POLE: variants seen among roughly 807,000 people sequenced by gnomAD.
POLE encodes DNA polymerase epsilon catalytic subunit A.
In POLE, 188 loss-of-function variants were observed where a neutral mutation model predicts 279.2. That is an observed-to-expected ratio of 0.67 (90% CI 0.60 to 0.76). The LOEUF is 0.76. Ranked by LOEUF, POLE falls within the 30% of genes least tolerant of loss-of-function variation. The pLI is 0.00. For missense variants in POLE, 2,703 were observed against 3,016.7 expected, an observed-to-expected ratio of 0.90 and a Z score of 2.44; for synonymous variants, 1,214 against 1,172.5, an observed-to-expected ratio of 1.04 and a Z score of -0.72.
rs5744823 is a variant in POLE at position 132,665,292 on chromosome 12, G to A, written c.2468+10C>T. The A allele has an allele frequency of 5.6e-4, 898 of 1,610,342 alleles. 6 individuals carry two copies. In the African/African-American group the frequency reaches 0.011, roughly 20 times the overall value. On this transcript the variant is annotated intron_variant, in intron 21 of 48. Transcript: ENST00000320574. ...TCCCATAAGCCTCTCCCGGGCCCGG[G>A]CCCACCTACCCCTTGCGCATGACAT... is the stretch of plus-strand genomic sequence containing the variant.
In POLE at chr12:132,664,276, C is replaced by A. The variant is rs983801882; in HGVS notation, c.2561+94G>T. 2 of 1,353,150 alleles carry A rather than the reference C, an allele frequency of 1.5e-6. No individual in the cohort carries two copies. Among genetic ancestry groups the A allele is most frequent in the African/African-American group, 2.9e-5 (2 of 69,670 alleles). The allele number at this position is 1,353,150 out of a possible 1,614,324, so 83.8% of individuals were successfully genotyped here. The stretch of plus-strand genomic sequence containing the variant: ...CCAGCCTTCCCTCCTTCCTTCCTGC[C>A]CAGTGTGTGGCCTCCAGCCTTCCCT... On this transcript the variant is annotated intron_variant, in intron 22 of 48. Coordinates refer to ENST00000320574, the MANE Select transcript of POLE (RefSeq NM_006231.4). This position sits in a 1 kb window ranked among gnomAD's most constrained non-coding sequence, Gnocchi z 5.3.
chr12:132,673,478 G>A (rs1208409872), intron 13 of POLE, 97 bp downstream of exon 13: 2 of 1,536,456 alleles, frequency 1.3e-6, no homozygotes, highest in African/African-American at 1.4e-5. Context: ...ACGGCAGCAG[G>A]GGGAGCCGGG....
chr12:132,686,863 G>T (rs1157711592), intron 1 of POLE, among the ~76,000 whole-genome samples: 1 of 151,590 alleles, frequency 6.6e-6, no homozygotes, highest in Non-Finnish European at 1.5e-5. Context: ...AGGGTCCCCG[G>T]CCCCGCCCCT....
chr12:132,661,106 G>A lies in POLE; in HGVS notation c.2923C>T (p.Arg975Cys), dbSNP rs753759783. 3 of 1,613,466 alleles carry A rather than the reference G, an allele frequency of 1.9e-6. No homozygotes were observed. The highest frequency in any genetic ancestry group is 2.5e-6 in the Non-Finnish European group (3 of 1,179,938). The part of the protein sequence containing the change: ...LAELKGFEVK[R>C]RGELQLIKIF... ...TTAATCAGCTGCAGTTCCCCGCGGC[G>A]TTTGACCTCAAAGCCCTTGAGCTCA... The change falls in exon 25 of 49, where the codon CGC becomes TGC. Residue 975 changes from arginine to cysteine, a missense_variant. Arg to Cys is a radical substitution (Grantham distance 180). Transcript: ENST00000320574. This position sits in a 1 kb window ranked among gnomAD's most constrained non-coding sequence, Gnocchi z 4.1.
Position 132,673,613 on chromosome 12 carries a change from G to C in POLE, c.1321C>G (p.Pro441Ala), listed in dbSNP as rs1005538045. The C allele has an allele frequency of 2.5e-6, 4 of 1,613,712 alleles. No homozygotes were observed. Among genetic ancestry groups the C allele is most frequent in the Non-Finnish European group, 3.4e-6 (4 of 1,180,004 alleles). The change falls in exon 13 of 49, where the codon CCG (proline) becomes GCG (alanine). Residue 441 changes from proline (P) to alanine (A), a missense_variant. By Grantham distance (27) the Pro-to-Ala change is conservative (BLOSUM62 -1). Transcript: ENST00000320574. ...GTGGCCATCCGGCACATGTCCTCCG[G>C]GTCTAGCTCCACGGGATCATAGCCT... is the stretch of plus-strand genomic sequence containing the variant. ...KLGYDPVELDPEDMCRMATEQ... is the reference protein window; with the variant it reads ...KLGYDPVELDAEDMCRMATEQ...
In POLE at chr12:132,677,401, C is replaced by T. The variant is rs776357611; in HGVS notation, c.763G>A (p.Val255Ile). Residue 255 changes from valine to isoleucine, a missense_variant, in exon 8 of 49, where the codon GTA becomes ATA. By Grantham distance (29) the Val-to-Ile change is conservative (BLOSUM62 3). Coordinates refer to ENST00000320574, the MANE Select transcript of POLE (RefSeq NM_006231.4). ...AGGTCATCTCGGCGGGTGATTTCTA[C>T]CGGAAAAGCATTTCCTCGGTATCTG... is the stretch of plus-strand genomic sequence containing the variant. ...NVRYRGNAFPVEITRRDDLVE... is the reference protein window; with the variant it reads ...NVRYRGNAFPIEITRRDDLVE... 4 of 1,613,958 alleles carry T rather than the reference C, an allele frequency of 2.5e-6. No homozygotes were observed. Among genetic ancestry groups the T allele is most frequent in the African/African-American group, 2.7e-5 (2 of 74,892 alleles).
In POLE at chr12:132,641,867, C is replaced by A. The variant is rs1286953255; in HGVS notation, c.5174-16G>T. ...TCCACACACACTGCACAGGAAGACG[C>A]CATGCTCAGCCAGCATCCTGCCAGC... On this transcript the variant is annotated splice_polypyrimidine_tract_variant and intron_variant, in intron 38 of 48. Transcript: ENST00000320574. The A allele has an allele frequency of 6.3e-7, 1 of 1,597,186 alleles. No homozygotes were observed.
chr12:132,683,971 T>C (rs1182786831), intron 1 of POLE, among the ~76,000 whole-genome samples: 20 of 146,008 alleles, frequency 1.4e-4, no homozygotes, highest in African/African-American at 3.8e-4. Context: ...AGAGCTACCA[T>C]TGACTGGTTA....
chr12:132,686,020 C>T (rs978495948), intron 1 of POLE, among the ~76,000 whole-genome samples: 1 of 152,032 alleles, frequency 6.6e-6, no homozygotes, highest in Non-Finnish European at 1.5e-5. Context: ...GGATTACAGG[C>T]ATGCGCCACC....
rs182777625 is a variant in POLE at position 132,656,344 on chromosome 12, A to C, written c.3582+792T>G. Reference sequence around the variant, plus strand: ...ATAAGACAGTTAAATTTTAAAATCCAATCCATCTCAGAACCTTTTTCTTTT... The same window carrying C: ...ATAAGACAGTTAAATTTTAAAATCCCATCCATCTCAGAACCTTTTTCTTTT... On this transcript the variant is annotated intron_variant, in intron 29 of 48. Coordinates refer to ENST00000320574, the MANE Select transcript of POLE (RefSeq NM_006231.4). 2.0e-5 allele frequency among the ~76,000 whole-genome samples: 3 copies of C among 152,010 alleles called. No individual in the cohort carries two copies. The East Asian group carries it at 5.8e-4, about 29-fold the overall frequency.
intron 35 of POLE, 84 bp downstream of exon 35, chr12:132,643,140 G>C (rs2138545193): frequency 1.3e-6 from 2 of 1,498,238 alleles, no homozygotes; most frequent in Middle Eastern, 3.5e-4. Flanking sequence ...ACAAGACCTG[G>C]AGGGCCTGGG....
chr12:132,670,314 T>C (rs1184348021), intron 16 of POLE, among the ~76,000 whole-genome samples: 5 of 151,162 alleles, frequency 3.3e-5, no homozygotes, highest in Non-Finnish European at 7.4e-5. Context: ...AGGCAGAGGT[T>C]GTGGTGAGCC....
Position 132,634,190 on chromosome 12 carries a change from A to T in POLE, c.6000T>A (p.Val2000=), listed in dbSNP as rs746483776. 6.2e-7 allele frequency: 1 copy of T among 1,611,196 alleles called. No homozygotes were observed. Among genetic ancestry groups the T allele is most frequent in the Admixed American group, 1.7e-5 (1 of 59,842 alleles). Residue 2000 remains valine, a synonymous_variant, in exon 43 of 49, where the codon GTT becomes GTA. Coordinates refer to ENST00000320574, the MANE Select transcript of POLE (RefSeq NM_006231.4). This position sits in a 1 kb window ranked among gnomAD's most constrained non-coding sequence, Gnocchi z 4.0. ...ASCQNYFLMI[V]SAYIVAVYHC... is the part of the protein sequence containing the mutation. ...AGCCCTGGGCTCTGGGCTTACCTGA[A>T]ACAATCATGAGGAAGTAGTTCTGGC...
intron 13 of POLE, 78 bp downstream of exon 13, chr12:132,673,497 C>A: frequency 1.9e-6 from 3 of 1,561,316 alleles, no homozygotes; most frequent in Non-Finnish European, 2.6e-6. Context: ...GGATGTGGCT[C>A]ACATGCCTGG....
In POLE at chr12:132,668,396, G is replaced by C. The variant is rs1368511972; in HGVS notation, c.2133C>G (p.Ser711=). 1.2e-6 allele frequency: 2 copies of C among 1,610,080 alleles called. No homozygotes were observed. Among genetic ancestry groups the C allele is most frequent in the Non-Finnish European group, 1.7e-6 (2 of 1,177,870 alleles). ...EGPARAFHEL[S]REEQAKYEKR... ...TCTCGTATTTCGCCTGTTCCTCGCG[G>C]GACAGTTCATGAAAGGCCCGAGCTG... The change falls in exon 19 of 49, where the codon TCC becomes TCG. Residue 711 remains serine, a synonymous_variant. Coordinates refer to ENST00000320574, the MANE Select transcript of POLE (RefSeq NM_006231.4). This position sits in a 1 kb window ranked among gnomAD's most constrained non-coding sequence, Gnocchi z 4.0.
rs2042641659 is a variant in POLE, at chr12:132,659,931, G to A, written c.3061-422C>T. ...GGTTTCCAACTCCTGACCTCAAGTG[G>A]TCTGCCCGCCGAGGCCTCCCAAGTG... On this transcript the variant is annotated intron_variant, in intron 25 of 48. Coordinates refer to ENST00000320574, the MANE Select transcript of POLE (RefSeq NM_006231.4). The A allele has an allele frequency of 1.6e-5, 3 of 192,806 alleles. No homozygotes were observed. In the South Asian group the frequency reaches 2.9e-4, roughly 19 times the overall value. The allele number at this position is 192,806 out of a possible 1,614,324, so 11.9% of individuals were successfully genotyped here.
Position 132,672,670 on chromosome 12 carries a change from T to C in POLE, c.1643A>G (p.Glu548Gly). ...GATATCGCTGCGGAAAACCCCAGAC[T>C]CGAGGGCCTCCACGTGGCCCCCGAC... ...TYVGGHVEAL[E>G]SGVFRSDIPC... The change falls in exon 15 of 49, where the codon GAG becomes GGG. Residue 548 changes from glutamate (E) to glycine (G), a missense_variant. Physicochemically the swap from Glu to Gly is moderately conservative, Grantham distance 98. Around this residue, in one of 5 missense-constraint regions of POLE, gnomAD observed 1,011 missense variants for 1,111.7 expected, o/e 0.91. Coordinates refer to ENST00000320574, the MANE Select transcript of POLE (RefSeq NM_006231.4). The C allele has an allele frequency of 6.2e-7, 1 of 1,614,046 alleles. No individual in the cohort carries two copies. The highest frequency in any genetic ancestry group is 8.5e-7 in the Non-Finnish European group (1 of 1,180,024).
intron 29 of POLE, among the ~76,000 whole-genome samples, chr12:132,655,236 T>C (rs2138644290): frequency 6.6e-6 from 1 of 152,396 alleles, no homozygotes; most frequent in Non-Finnish European, 1.5e-5. Context: ...CTACAAATTT[T>C]AATAGCATTT....
chr12:132,641,282 C>T (rs569753253), intron 39 of POLE: 8 of 376,534 alleles, frequency 2.1e-5, no homozygotes, highest in Middle Eastern at 8.9e-4. Context: ...TGCAGCAGAC[C>T]GACGGCTCCT....
Sources: gnomAD v4.1 joint callset for allele counts (sites outside exome capture counted in the v4.1 genomes callset) on GRCh38, gnomAD v4.1.1 for gene constraint, gnomAD v4.1.1 regional missense constraint, Gnocchi (gnomAD v3.1) non-coding constraint, MANE v1.5 for transcripts, NCBI Gene and HGNC (gene_info 2026-07-23, HGNC 2026-07-21) for gene names.